Variants in SYNE2 observed in about 807,000 individuals in gnomAD.
SYNE2 encodes the protein nesprin-2.
A neutral mutation model predicts 856.3 loss-of-function variants in SYNE2; 431 were observed. The ratio of observed to expected loss-of-function variants is 0.50; its 90% confidence interval spans 0.47 to 0.55. The LOEUF (loss-of-function observed/expected upper bound fraction) is 0.55. SYNE2 is among the 20% of genes least tolerant of loss of function. The probability of loss-of-function intolerance (pLI) is 0.00; values close to 1 mark genes in which losing one functional copy is unlikely to be tolerated. For missense variants in SYNE2, 8,129 were observed against 8,023.2 expected, an observed-to-expected ratio of 1.01 and a Z score of -0.50; for synonymous variants, 2,923 against 2,872.3, an observed-to-expected ratio of 1.02 and a Z score of -0.56.
chr14:63,881,655 C>A (rs1022987050), intron 1 of SYNE2, among the ~76,000 whole-genome samples: 48 of 149,816 alleles, frequency 3.2e-4, no homozygotes, highest in Middle Eastern at 3.5e-3. Context: ...AGAAAAAAAA[C>A]CCAAATTAAT....
rs766438736 is a variant in SYNE2 at position 64,132,305 on chromosome 14, A to G, written c.14381A>G (p.Gln4794Arg). The G allele has an allele frequency of 5.6e-6, 9 of 1,614,052 alleles. No homozygotes were observed. The highest frequency in any genetic ancestry group is 1.1e-5 in the South Asian group (1 of 91,066). Residue 4794 changes from glutamine (Q) to arginine (R), a missense_variant, in exon 77 of 116, where the codon CAA (glutamine) becomes CGA (arginine). By Grantham distance (43) the Gln-to-Arg change is conservative. Coordinates refer to ENST00000555002, the MANE Select transcript of SYNE2 (RefSeq NM_182914.3). Reference protein sequence around the residue: ...QKLVADMLLIQAYSAKILPSL... With the variant: ...QKLVADMLLIRAYSAKILPSL... ...CTTGTTGCTGACATGTTGTTGATCCAAGCATACTCTGCCAAAATACTTCCT... is the reference window on the plus strand; with the variant it reads ...CTTGTTGCTGACATGTTGTTGATCCGAGCATACTCTGCCAAAATACTTCCT...
Position 64,051,753 on chromosome 14 carries a change from A to C in SYNE2, c.7840A>C (p.Ile2614Leu). 2.5e-6 allele frequency: 4 copies of C among 1,614,228 alleles called. No individual in the cohort carries two copies. The highest frequency in any genetic ancestry group is 3.4e-6 in the Non-Finnish European group (4 of 1,180,040). ...EHGWEQVEQQ[I>L]QKKYSQQVVE... ...TGGTTGGGAACAAGTGGAACAGCAG[A>C]TTCAAAAGAAGTATTCTCAGCAGGT... The change falls in exon 48 of 116, where the codon ATT (isoleucine) becomes CTT (leucine). Residue 2614 changes from isoleucine to leucine, a missense_variant. Physicochemically the swap from Ile to Leu is conservative, Grantham distance 5 (BLOSUM62 2). Coordinates refer to ENST00000555002, the MANE Select transcript of SYNE2 (RefSeq NM_182914.3).
chr14:63,929,789 T>C (rs1277551734), intron 2 of SYNE2, among the ~76,000 whole-genome samples: 1 of 151,848 alleles, frequency 6.6e-6, no homozygotes, highest in Non-Finnish European at 1.5e-5. Flanking sequence ...AAAAAATTTT[T>C]TTTTTCTCTG....
rs1033000031 is a variant in SYNE2 at position 64,073,903 on chromosome 14, CTG to C, written c.10698-63_10698-62del. 30 of 1,533,168 alleles carry C rather than the reference CTG, an allele frequency of 2.0e-5. No individual in the cohort carries two copies. The African/African-American group carries it at 2.6e-4, about 13-fold the overall frequency. The allele number at this position is 1,533,168 out of a possible 1,614,324, so 95.0% of individuals were successfully genotyped here. On this transcript the variant is annotated intron_variant, in intron 52 of 115. Transcript: ENST00000555002. ...CATTTCATTAATTGTTGCAATAAAA[CTG>C]TTTCATTTTATTCATAGAAGAGCAG...
At chr14:63,872,204 A>T (rs1897009834) in intron 1 of SYNE2, among the ~76,000 whole-genome samples, 1 of 150,798 alleles carries the variant, frequency 6.6e-6, no homozygotes, top group African/African-American at 2.4e-5. Flanking sequence ...GCTGAGGCGG[A>T]TGGATCTTGA....
At chr14:64,028,921 A>G (rs552122110) in intron 43 of SYNE2, among the ~76,000 whole-genome samples, 5 of 152,216 alleles carry the variant, frequency 3.3e-5, no homozygotes, top group Admixed American at 2.6e-4. Flanking sequence ...GTGGATCACA[A>G]GGTCAGAAGA....
intron 83 of SYNE2, among the ~76,000 whole-genome samples, chr14:64,145,222 T>C (rs1428452503): frequency 6.7e-6 from 1 of 149,096 alleles, no homozygotes; most frequent in East Asian, 2.0e-4. Flanking sequence ...CCACCACGCC[T>C]GGCCGGGCAG....
At position 63,986,498 on chromosome 14, in the gene SYNE2, C is replaced by A. The variant is rs758897129; in HGVS notation, c.2194C>A (p.Gln732Lys). The A allele has an allele frequency of 9.3e-6, 15 of 1,614,060 alleles. No homozygotes were observed. In the Admixed American group the frequency reaches 2.5e-4, roughly 27 times the overall value. Residue 732 changes from glutamine (Q) to lysine (K), a missense_variant, in exon 19 of 116, where the codon CAA becomes AAA. Physicochemically the swap from Gln to Lys is moderately conservative, Grantham distance 53. This residue lies in a region of SYNE2 where 2,422 missense variants were observed against 2,357.4 expected (regional missense o/e 1.03). Coordinates refer to ENST00000555002, the MANE Select transcript of SYNE2 (RefSeq NM_182914.3). ...AAAAGAAAATGAAGAATTCACAGGG[C>A]AACTAAAAGTGGCTAAAGATGTTGA... ...HEKENEEFTG[Q>K]LKVAKDVEKL...
At chr14:63,991,855 A>G (rs2096668982) in intron 21 of SYNE2, among the ~76,000 whole-genome samples, 1 of 152,218 alleles carries the variant, frequency 6.6e-6, no homozygotes, top group South Asian at 2.1e-4. Flanking sequence ...ATAAAGATGC[A>G]GGAAGGCATT....
At chr14:64,115,565 AG>A (rs922226277) in intron 66 of SYNE2, among the ~76,000 whole-genome samples, 20 of 152,258 alleles carry the variant, frequency 1.3e-4, no homozygotes, top group African/African-American at 4.8e-4. Flanking sequence ...TGCAGTTTTC[AG>A]GGGTATGCAA....
rs2140248760 is a variant in SYNE2, at chr14:64,214,427, T to C, written c.19290T>C (p.Ser6430=). 1 of 1,613,856 alleles carries C rather than the reference T, an allele frequency of 6.2e-7. No individual in the cohort carries two copies. The highest frequency in any genetic ancestry group is 1.3e-5 in the African/African-American group (1 of 74,964). The change falls in exon 106 of 116, where the codon TCT becomes TCC. Residue 6430 remains serine (S), a synonymous_variant. Coordinates refer to ENST00000555002, the MANE Select transcript of SYNE2 (RefSeq NM_182914.3). ...DHTGDVGGSS[S]HEEDEEGPYY... ...CAGGCGACGTGGGGGGCTCCTCCTC[T>C]CACGAAGAGGACGAGGAGGGCCCAT...
At chr14:63,961,284 G>T (rs1192000687) in intron 8 of SYNE2, among the ~76,000 whole-genome samples, 1 of 152,200 alleles carries the variant, frequency 6.6e-6, no homozygotes, top group Non-Finnish European at 1.5e-5. Context: ...AGAAAACGGA[G>T]ACTGTGCACA....
chr14:64,194,149 A>G (rs140020748), intron 99 of SYNE2, among the ~76,000 whole-genome samples: 34 of 152,318 alleles, frequency 2.2e-4, no homozygotes, highest in African/African-American at 7.9e-4. Flanking sequence ...TTAAAGCACT[A>G]TATATATGTT....
intron 53 of SYNE2, chr14:64,075,468 A>C: frequency 5.3e-6 from 1 of 190,318 alleles, no homozygotes; most frequent in Non-Finnish European, 1.1e-5. Context: ...AGGGCTGTCT[A>C]ATTACATGAA....
chr14:63,983,712 C>T (rs1476840204), intron 17 of SYNE2, 25 bp from the exon 18 acceptor site: 1 of 1,589,688 alleles, frequency 6.3e-7, no homozygotes, highest in Non-Finnish European at 8.6e-7. Context: ...ATGAGTATTA[C>T]ATTTCATGAA....
At chr14:64,083,754 A>G (rs2097540649) in intron 57 of SYNE2, among the ~76,000 whole-genome samples, 1 of 152,176 alleles carries the variant, frequency 6.6e-6, no homozygotes, top group African/African-American at 2.4e-5. Context: ...AAGAAGTGTC[A>G]GAACTCTCAA....
At chr14:64,019,746 G>A (rs78987527) in intron 34 of SYNE2, among the ~76,000 whole-genome samples, 390 of 152,284 alleles carry the variant, frequency 2.6e-3, no homozygotes, top group Non-Finnish European at 4.4e-3. Flanking sequence ...GGCAGACCGT[G>A]CATTCTCTTG....
At chr14:63,892,644 T>G (rs1477330630) in intron 1 of SYNE2, among the ~76,000 whole-genome samples, 1 of 152,032 alleles carries the variant, frequency 6.6e-6, no homozygotes, top group Non-Finnish European at 1.5e-5. Context: ...CTGTGACTCA[T>G]GAAGACCCGA....
At chr14:64,223,033 G>A (rs1390832162) in intron 112 of SYNE2, among the ~76,000 whole-genome samples, 156 bp from the exon 113 acceptor site, 1 of 152,164 alleles carries the variant, frequency 6.6e-6, no homozygotes, top group Non-Finnish European at 1.5e-5. Flanking sequence ...GTGCTGGGCT[G>A]GAGGACACAG....
Sources: allele counts gnomAD v4.1 joint callset (sites outside exome capture counted in the v4.1 genomes callset), GRCh38; gene constraint gnomAD v4.1.1; regional missense constraint gnomAD v4.1.1; transcripts MANE v1.5; gene names NCBI Gene and HGNC (gene_info 2026-07-23, HGNC 2026-07-21).